ARHGAP6: variants seen among roughly 807,000 people sequenced by gnomAD.
ARHGAP6 encodes the protein rho GTPase-activating protein 6.
ARHGAP6 carries 16 observed loss-of-function variants against 55.7 expected under a neutral mutation model. The ratio of observed to expected loss-of-function variants is 0.29; its 90% CI spans 0.19 to 0.44. The LOEUF (loss-of-function observed/expected upper bound fraction) is 0.44. Ranked by LOEUF, ARHGAP6 falls within the 20% of genes least tolerant of loss-of-function variation. The probability of loss-of-function intolerance (pLI) is 1.00; values close to 1 mark genes in which losing one functional copy is unlikely to be tolerated. For synonymous variants in ARHGAP6, 382 were observed against 360.9 expected (o/e 1.06, Z -0.66); for missense variants, 698 against 808.9 (o/e 0.86, Z 1.66).
chrX:11,552,526 C>T (rs1174136222), intron 1 of ARHGAP6, among the ~76,000 whole-genome samples: 5 of 76,658 alleles, frequency 6.5e-5, no homozygotes, highest in Non-Finnish European at 1.2e-4. Flanking sequence ...AAAGTTCCAT[C>T]AGTGGATGAA....
intron 1 of ARHGAP6, among the ~76,000 whole-genome samples, chrX:11,417,253 A>G (rs1485814992): frequency 1.9e-5 from 2 of 106,456 alleles, no homozygotes; most frequent in Non-Finnish European, 3.9e-5. Flanking sequence ...TCCACCGTGC[A>G]GCAAGAACAG....
chrX:11,507,321 C>G (rs1281260718), intron 1 of ARHGAP6, among the ~76,000 whole-genome samples: 1 of 111,043 alleles, frequency 9.0e-6, no homozygotes, highest in Admixed American at 9.7e-5. Context: ...TTGGGATGGA[C>G]ATGGCAGCAC....
At chrX:11,150,624 A>G (rs1460554830) in intron 10 of ARHGAP6, among the ~76,000 whole-genome samples, 1 of 112,265 alleles carries the variant, frequency 8.9e-6, no homozygotes, top group Non-Finnish European at 1.9e-5. Context: ...ACTGTCAAAC[A>G]TAGCAATTCT....
chrX:11,138,644 T>G lies in ARHGAP6; in HGVS notation c.*219A>C. ...ATTGGACATTGCCATCTGGTTTGGG[T>G]TCTGTTTGTTTTTCCTAAGGCTGGC... On this transcript the variant is annotated 3_prime_UTR_variant, in exon 13 of 13. Transcript: ENST00000337414. The G allele has an allele frequency of 2.3e-6, 1 of 427,159 alleles. No homozygotes were observed. Among genetic ancestry groups the G allele is most frequent in the Non-Finnish European group, 4.0e-6 (1 of 250,450 alleles). The allele number at this position is 427,159 out of a possible 1,213,427, so 35.2% of individuals were successfully genotyped here.
At chrX:11,365,291 T>C (rs1004977028) in intron 1 of ARHGAP6, among the ~76,000 whole-genome samples, 1 of 112,064 alleles carries the variant, frequency 8.9e-6, no homozygotes, top group African/African-American at 3.2e-5. Context: ...TAGGCCATGC[T>C]GGACTTCTTG....
chrX:11,596,054 G>C (rs141980648), intron 1 of ARHGAP6, among the ~76,000 whole-genome samples: 401 of 111,786 alleles, frequency 3.6e-3, no homozygotes, highest in Non-Finnish European at 5.7e-3. Flanking sequence ...CCATTTCACC[G>C]AGCAATCCCA....
intron 1 of ARHGAP6, among the ~76,000 whole-genome samples, chrX:11,621,612 A>T (rs1233268560): frequency 8.9e-6 from 1 of 111,972 alleles, no homozygotes; most frequent in Non-Finnish European, 1.9e-5. Flanking sequence ...AGAAAAAGTA[A>T]TCAAAACTTG....
chrX:11,501,790 G>A, intron 1 of ARHGAP6, among the ~76,000 whole-genome samples: 1 of 111,645 alleles, frequency 9.0e-6, no homozygotes, highest in East Asian at 2.8e-4. Flanking sequence ...AGTAGGAGTG[G>A]ATAGTCATAA....
At chrX:11,376,517 C>T (rs1040826889) in intron 1 of ARHGAP6, among the ~76,000 whole-genome samples, 3 of 112,741 alleles carry the variant, frequency 2.7e-5, no homozygotes, top group Non-Finnish European at 5.6e-5. Flanking sequence ...GGGATCTGCC[C>T]CTGGAGCCTC....
At chrX:11,635,627 G>A (rs943966520) in intron 1 of ARHGAP6, among the ~76,000 whole-genome samples, 8 of 111,173 alleles carry the variant, frequency 7.2e-5, no homozygotes, top group Non-Finnish European at 1.3e-4. Flanking sequence ...GGGTACTCAG[G>A]CCATAATTAA....
At chrX:11,385,281 T>C (rs1312339732) in intron 1 of ARHGAP6, among the ~76,000 whole-genome samples, 1 of 111,759 alleles carries the variant, frequency 8.9e-6, no homozygotes, top group Non-Finnish European at 1.9e-5. Flanking sequence ...CTGAGAAGTA[T>C]ACTAATACTA....
In ARHGAP6 at chrX:11,139,080, C is replaced by A. The variant is rs759661163; in HGVS notation, c.2708G>T (p.Gly903Val). 8.3e-7 allele frequency: 1 copy of A among 1,203,604 alleles called. No homozygotes were observed. The change falls in exon 13 of 13, where the codon GGC (glycine) becomes GTC (valine). Residue 903 changes from glycine (G) to valine (V), a missense_variant. Coordinates refer to ENST00000337414, the MANE Select transcript of ARHGAP6 (RefSeq NM_013427.3). ...AAAWIQGPPE[G>V]VETPTDQGGQ... is the part of the protein sequence containing the mutation. ...TCCCTGGTCCGTGGGTGTCTCCACG[C>A]CTTCCGGGGGCCCCTGGATCCAGGC...
chrX:11,538,828 C>CTG (rs1231490909), intron 1 of ARHGAP6, among the ~76,000 whole-genome samples: 103 of 101,688 alleles, frequency 1.0e-3, no homozygotes, highest in South Asian at 6.3e-3. Context: ...GTGGGGACCA[C>CTG]TGTGTGTGTG....
intron 1 of ARHGAP6, among the ~76,000 whole-genome samples, chrX:11,591,221 TATAA>T (rs1216049923): frequency 9.2e-6 from 1 of 109,180 alleles, no homozygotes; most frequent in African/African-American, 3.3e-5. Flanking sequence ...AAAATAAATA[TATAA>T]ATAAATAAAT....
chrX:11,569,364 G>T (rs1039504044), intron 1 of ARHGAP6, among the ~76,000 whole-genome samples: 35 of 111,591 alleles, frequency 3.1e-4, no homozygotes, highest in African/African-American at 1.0e-3. Context: ...GATGCTAAAA[G>T]GTTAACATGG....
chrX:11,202,100 A>G (rs1262541211), intron 2 of ARHGAP6, among the ~76,000 whole-genome samples: 1 of 103,900 alleles, frequency 9.6e-6, no homozygotes, highest in African/African-American at 3.6e-5. Context: ...CTTAGCTATT[A>G]TGGGTAAAGT....
intron 4 of ARHGAP6, among the ~76,000 whole-genome samples, chrX:11,187,285 G>A (rs901334079): frequency 9.0e-6 from 1 of 111,329 alleles, no homozygotes; most frequent in African/African-American, 3.3e-5. Context: ...TGGCATGCTA[G>A]GAATGGTAAA....
At chrX:11,299,182 T>C (rs985334863) in intron 1 of ARHGAP6, among the ~76,000 whole-genome samples, 6 of 111,964 alleles carry the variant, frequency 5.4e-5, no homozygotes, top group Non-Finnish European at 1.1e-4. Flanking sequence ...ACAGTTTTTA[T>C]GGTAGGTTTC....
At chrX:11,153,457 G>C (rs893134886) in intron 10 of ARHGAP6, among the ~76,000 whole-genome samples, 3 of 103,666 alleles carry the variant, frequency 2.9e-5, no homozygotes, top group African/African-American at 1.1e-4. Flanking sequence ...CCCGGGAGGT[G>C]GGGATTGCAG....
Sources: gnomAD v4.1 joint callset for allele counts (sites outside exome capture counted in the v4.1 genomes callset) on GRCh38, gnomAD v4.1.1 for gene constraint, MANE v1.5 for transcripts, NCBI Gene and HGNC (gene_info 2026-07-23, HGNC 2026-07-21) for gene names.